The following DAB1 variants were observed in gnomAD, a reference collection of about 807,000 sequenced individuals.
The protein encoded by DAB1 is DAB adaptor protein 1.
A neutral mutation model predicts 64.6 loss-of-function variants in DAB1; 15 were observed. The ratio of observed to expected loss-of-function variants is 0.23; its 90% CI spans 0.16 to 0.36. DAB1 has a LOEUF of 0.36. Among genes scored for constraint, DAB1 ranks in the 10% least tolerant of loss-of-function variants. DAB1 has a pLI of 1.00. For missense variants in DAB1, 596 were observed against 706.7 expected (o/e 0.84, Z 1.78); for synonymous variants, 235 against 251.9 (o/e 0.93, Z 0.64).
intron 5 of DAB1, among the ~76,000 whole-genome samples, chr1:57,987,622 G>A (rs1646251495): frequency 6.6e-6 from 1 of 152,154 alleles, no homozygotes; most frequent in Admixed American, 6.5e-5. Flanking sequence ...TACCTTAAGA[G>A]AGGTCCAAAG....
intron 5 of DAB1, among the ~76,000 whole-genome samples, chr1:58,051,528 A>G (rs1282342336): frequency 1.3e-5 from 2 of 152,306 alleles, no homozygotes; most frequent in East Asian, 1.9e-4. Flanking sequence ...GTGTCTTTAT[A>G]GTAGCATGAT....
At chr1:57,452,166 C>CCCTTTTTT (rs367685387) in intron 7 of DAB1, among the ~76,000 whole-genome samples, 2 of 75,006 alleles carry the variant, frequency 2.7e-5, no homozygotes, top group African/African-American at 6.1e-5. Flanking sequence ...TGCACCCCCC[C>CCCTTTTTT]TTTTTTTTTT....
At chr1:57,990,208 A>T (rs1646311007) in intron 5 of DAB1, among the ~76,000 whole-genome samples, 1 of 152,192 alleles carries the variant, frequency 6.6e-6, no homozygotes, top group Non-Finnish European at 1.5e-5. Context: ...CAAAATAATG[A>T]TGCTGCTGAT....
chr1:58,043,962 G>A (rs959059217), intron 5 of DAB1, among the ~76,000 whole-genome samples: 10 of 152,240 alleles, frequency 6.6e-5, no homozygotes, highest in South Asian at 2.1e-4. Context: ...TCTTGACCTC[G>A]TGATCCGCCT....
intron 2 of DAB1, among the ~76,000 whole-genome samples, chr1:57,154,352 G>A (rs6703985): frequency 6.6e-6 from 1 of 151,994 alleles, no homozygotes; most frequent in Non-Finnish European, 1.5e-5. Flanking sequence ...CCATCCATGT[G>A]GTTGCAAATG....
At chr1:58,096,980 G>A (rs373835588) in intron 5 of DAB1, among the ~76,000 whole-genome samples, 1 of 152,166 alleles carries the variant, frequency 6.6e-6, no homozygotes, top group Non-Finnish European at 1.5e-5. Context: ...GTGAATCTGC[G>A]GCTGTCAAAT....
intron 7 of DAB1, among the ~76,000 whole-genome samples, chr1:57,431,146 A>AAAAAAAC (rs1454109870): frequency 6.6e-6 from 1 of 150,696 alleles, no homozygotes; most frequent in African/African-American, 2.4e-5. Flanking sequence ...CCAAAAACAA[A>AAAAAAAC]AAAAAAAAAA....
chr1:57,497,683 A>G (rs935536071), intron 7 of DAB1, among the ~76,000 whole-genome samples: 3 of 152,220 alleles, frequency 2.0e-5, no homozygotes, highest in African/African-American at 7.2e-5. Flanking sequence ...GAATGTCTCA[A>G]TGGAGGAAAT....
chr1:58,150,809 G>C (rs1654884122), intron 4 of DAB1, among the ~76,000 whole-genome samples: 1 of 151,856 alleles, frequency 6.6e-6, no homozygotes, highest in Non-Finnish European at 1.5e-5. Context: ...ATTTACATTA[G>C]GTATATCTCC....
At chr1:58,541,614 C>CAAAAAAAAAAAAAAAAACAAAAAA (rs1646617520) in intron 1 of DAB1, 1 of 65,622 alleles carries the variant, frequency 1.5e-5, no homozygotes, top group Admixed American at 2.3e-4. Flanking sequence ...GAGAACCTGT[C>CAAAAAAAAAAAAAAAAACAAAAAA]AAAAAAAAAA....
At chr1:57,314,476 C>T (rs185523815) in intron 1 of DAB1, among the ~76,000 whole-genome samples, 2 of 152,206 alleles carry the variant, frequency 1.3e-5, no homozygotes, top group Admixed American at 6.5e-5. Flanking sequence ...CACTCCAAGC[C>T]CTAGTTCTCT....
intron 1 of DAB1, among the ~76,000 whole-genome samples, chr1:57,373,117 C>T (rs1359733531): frequency 6.6e-6 from 1 of 152,098 alleles, no homozygotes; most frequent in Admixed American, 6.6e-5. Context: ...CCTGGGAGTT[C>T]GAGGCTGCAG....
intron 1 of DAB1, among the ~76,000 whole-genome samples, chr1:57,349,685 G>A (rs192420588): frequency 2.0e-5 from 3 of 152,264 alleles, no homozygotes; most frequent in Admixed American, 6.5e-5. Context: ...AAAGCAGCCT[G>A]CATTATTCCA....
At chr1:57,298,583 A>G (rs1357772785) in intron 1 of DAB1, among the ~76,000 whole-genome samples, 1 of 152,212 alleles carries the variant, frequency 6.6e-6, no homozygotes, top group African/African-American at 2.4e-5. Flanking sequence ...GACATATCTT[A>G]GCCTAACAGC....
intron 4 of DAB1, among the ~76,000 whole-genome samples, chr1:57,135,745 C>T (rs532904092): frequency 3.3e-5 from 5 of 152,144 alleles, no homozygotes; most frequent in South Asian, 4.2e-4. Flanking sequence ...AATGTAACTC[C>T]GCTGGTTAAG....
chr1:58,016,940 C>A (rs189046699), intron 5 of DAB1, among the ~76,000 whole-genome samples: 7 of 152,260 alleles, frequency 4.6e-5, no homozygotes, highest in African/African-American at 1.2e-4. Context: ...TTACAGCGAG[C>A]GCTCTGATCT....
chr1:57,459,765 T>C (rs764379858), intron 7 of DAB1, among the ~76,000 whole-genome samples: 33 of 152,354 alleles, frequency 2.2e-4, no homozygotes, highest in Non-Finnish European at 3.8e-4. Context: ...AATGCTGTTC[T>C]CATGCCACTC....
At chr1:57,659,072 C>A (rs1261848353) in intron 6 of DAB1, among the ~76,000 whole-genome samples, 1 of 152,222 alleles carries the variant, frequency 6.6e-6, no homozygotes. Flanking sequence ...GGCAAAAATT[C>A]TTTTGCCCCA....
chr1:57,114,811 C>T (rs1557746474), intron 4 of DAB1, among the ~76,000 whole-genome samples: 4 of 152,276 alleles, frequency 2.6e-5, no homozygotes, highest in Admixed American at 6.5e-5. Context: ...TGAGTTGAAG[C>T]GGCAAGACCT....
Sources: allele counts gnomAD v4.1 joint callset (sites outside exome capture counted in the v4.1 genomes callset), GRCh38; gene constraint gnomAD v4.1.1; transcripts MANE v1.5; gene names NCBI Gene and HGNC (gene_info 2026-07-23, HGNC 2026-07-21).